The following NUP98 variants were observed in gnomAD, a reference collection of about 807,000 sequenced individuals.
NUP98 encodes the protein nucleoporin 98 and 96 precursor.
Under a neutral mutation model 191.9 loss-of-function variants are expected in NUP98, and 26 were observed. That is an observed-to-expected ratio of 0.14 (90% confidence interval 0.10 to 0.19). NUP98 has a LOEUF of 0.19. Ranked by LOEUF, NUP98 falls within the 10% of genes least tolerant of loss-of-function variation. The probability of loss-of-function intolerance (pLI) is 1.00; values close to 1 mark genes in which losing one functional copy is unlikely to be tolerated. For missense variants in NUP98, 1,941 were observed against 2,178.8 expected (o/e 0.89, Z 2.17); for synonymous variants, 808 against 778.4 (o/e 1.04, Z -0.63).
chr11:3,781,024 G>A (rs1485920942), intron 2 of NUP98, among the ~76,000 whole-genome samples: 8 of 151,876 alleles, frequency 5.3e-5, no homozygotes, highest in East Asian at 1.9e-4. Context: ...AAGTTACAGC[G>A]AGCTGAGAAA....
At chr11:3,726,124 C>T (rs1270615094) in intron 14 of NUP98, among the ~76,000 whole-genome samples, 1 of 152,136 alleles carries the variant, frequency 6.6e-6, no homozygotes, top group Non-Finnish European at 1.5e-5. Context: ...TAACAGTATA[C>T]TGGGCCATTA....
intron 1 of NUP98, 89 bp from the exon 2 acceptor site, chr11:3,782,234 C>A: frequency 3.0e-6 from 2 of 674,390 alleles, no homozygotes; most frequent in Non-Finnish European, 5.1e-6. Context: ...CAAACTTAGG[C>A]CTATTCGAAC....
chr11:3,763,146 T>A, intron 8 of NUP98, 107 bp from the exon 9 acceptor site: 1 of 995,314 alleles, frequency 1.0e-6, no homozygotes, highest in Non-Finnish European at 1.5e-6. Flanking sequence ...ATATGACAGA[T>A]ATTAGGCTAA....
chr11:3,744,759 T>G (rs998068812), intron 11 of NUP98, 110 bp from the exon 12 acceptor site: 3 of 1,236,440 alleles, frequency 2.4e-6, no homozygotes, highest in Non-Finnish European at 3.3e-6. Flanking sequence ...TAGTGACCAC[T>G]CATTTCAACA....
chr11:3,715,240 G>C (rs947531938), intron 18 of NUP98, among the ~76,000 whole-genome samples: 1 of 152,108 alleles, frequency 6.6e-6, no homozygotes, highest in African/African-American at 2.4e-5. Flanking sequence ...TCTGCCTACC[G>C]GGTTCAAGTG....
At chr11:3,764,860 G>A (rs2081286997) in intron 8 of NUP98, among the ~76,000 whole-genome samples, 1 of 152,242 alleles carries the variant, frequency 6.6e-6, no homozygotes, top group African/African-American at 2.4e-5. Flanking sequence ...TTAAAGGCGT[G>A]AGCCACCGCG....
intron 13 of NUP98, 109 bp downstream of exon 13, chr11:3,735,082 C>G: frequency 1.0e-6 from 1 of 970,858 alleles, no homozygotes; most frequent in East Asian, 2.9e-5. Context: ...AAATTAATTA[C>G]ACCTAGCTTT....
chr11:3,679,705 G>C lies in NUP98; in HGVS notation c.4922C>G (p.Ala1641Gly). 2 of 1,613,264 alleles carry C rather than the reference G, an allele frequency of 1.2e-6. No individual in the cohort carries two copies. The highest frequency in any genetic ancestry group is 1.7e-6 in the Non-Finnish European group (2 of 1,179,648). ...KLIIRHLASD[A>G]IINENYDYLK... ...GTAGTCATAGTTCTCATTAATGATG[G>C]CATCTGAAGAAACAAAGTATTGAGC... The change falls in exon 31 of 33, where the codon GCC (alanine) becomes GGC (glycine). Residue 1641 changes from alanine to glycine, a missense_variant. Ala to Gly is a moderately conservative substitution (Grantham distance 60, BLOSUM62 0). This residue lies in a region of NUP98 where 1,030 missense variants were observed against 1,115.8 expected (regional missense o/e 0.92). Transcript: ENST00000324932.
rs1395654571 is a variant in NUP98, at chr11:3,776,584, C to T, written c.356-563G>A. 1.2e-4 allele frequency among the ~76,000 whole-genome samples: 18 copies of T among 150,526 alleles called. 1 individual carries two copies. Among genetic ancestry groups the T allele is most frequent in the African/African-American group, 3.9e-4 (16 of 40,860 alleles). On this transcript the variant is annotated intron_variant, in intron 4 of 32. Coordinates refer to ENST00000324932, the MANE Select transcript of NUP98 (RefSeq NM_016320.5). ...CTGCAACCTCCACCTCCCAGGTTGA[C>T]GCCATTTCTCCTGCCTCAGCCTCCT...
chr11:3,734,399 A>T, intron 13 of NUP98, among the ~76,000 whole-genome samples: 1 of 152,248 alleles, frequency 6.6e-6, no homozygotes, highest in East Asian at 1.9e-4. Context: ...ATGTAATCAC[A>T]TAAGTGACTG....
At chr11:3,718,080 T>G (rs560933230) in intron 18 of NUP98, among the ~76,000 whole-genome samples, 138 of 152,214 alleles carry the variant, frequency 9.1e-4, no homozygotes, top group Non-Finnish European at 1.4e-3. Context: ...AACGCTTGCC[T>G]CATAGAATGA....
In NUP98 at chr11:3,720,895, T is replaced by C. The variant is rs2079368145; in HGVS notation, c.2147-70A>G. Reference sequence around the variant, plus strand: ...AATAATCAGCAACTAAATCATCATATAAAGAGAAAATATATCAGAATGAAG... The same window carrying C: ...AATAATCAGCAACTAAATCATCATACAAAGAGAAAATATATCAGAATGAAG... On this transcript the variant is annotated intron_variant, in intron 16 of 32. Coordinates refer to ENST00000324932, the MANE Select transcript of NUP98 (RefSeq NM_016320.5). The C allele has an allele frequency of 1.1e-5, 7 of 666,096 alleles. No homozygotes were observed. In the East Asian group the frequency reaches 2.0e-4, roughly 19 times the overall value. The allele number at this position is 666,096 out of a possible 1,614,324, so 41.3% of individuals were successfully genotyped here.
intron 14 of NUP98, among the ~76,000 whole-genome samples, chr11:3,726,479 A>C (rs1445533753): frequency 6.6e-6 from 1 of 151,298 alleles, no homozygotes; most frequent in Non-Finnish European, 1.5e-5. Context: ...ATAAAAGTCA[A>C]TGTTGGGAAT....
At chr11:3,709,998 CA>C (rs71466124) in intron 20 of NUP98, among the ~76,000 whole-genome samples, 1,980 of 94,414 alleles carry the variant, frequency 0.021, 27 homozygotes, top group African/African-American at 0.076. Context: ...AAAAAGTTTA[CA>C]AAAAAAAAAA....
rs1005433136 is a variant in NUP98 at position 3,675,287 on chromosome 11, GGTTT to G, written c.*868_*871del. ...CCAACTCCATGCCTGCCTCAGTCAT[GGTTT>G]GTTTTTGCTTCTGGAAGGGGTAGAT... On this transcript the variant is annotated 3_prime_UTR_variant, in exon 33 of 33. Transcript: ENST00000324932. 24 of 217,740 alleles carry G rather than the reference GGTTT, an allele frequency of 1.1e-4. No homozygotes were observed. Among genetic ancestry groups the G allele is most frequent in the African/African-American group, 4.7e-4 (21 of 44,376 alleles). The allele number at this position is 217,740 out of a possible 1,614,324, so 13.5% of individuals were successfully genotyped here. A position where few individuals can be genotyped will look rare whatever the true frequency, so the allele number is the denominator to read the frequency against.
At chr11:3,756,672 T>A (rs1040007344) in intron 10 of NUP98, among the ~76,000 whole-genome samples, 4 of 152,030 alleles carry the variant, frequency 2.6e-5, no homozygotes, top group African/African-American at 9.7e-5. Context: ...TCTGCCAGCC[T>A]CGGTCTCCCA....
At position 3,710,768 on chromosome 11, in the gene NUP98, AG is replaced by A. The variant is rs2079006456; in HGVS notation, c.2742+1795del. Among the ~76,000 whole-genome samples, 2 of 152,362 alleles carry A rather than the reference AG, an allele frequency of 1.3e-5. 1 individual carries two copies. Among genetic ancestry groups the A allele is most frequent in the South Asian group, 4.1e-4 (2 of 4,832 alleles). On this transcript the variant is annotated intron_variant, in intron 20 of 32. Transcript: ENST00000324932. ...TGGGTCAGTGAGCAATAAATATGAA[AG>A]AATTCTCTAGAGTCCTACATTTCTG...
intron 13 of NUP98, among the ~76,000 whole-genome samples, chr11:3,734,285 G>A (rs114060505): frequency 0.013 from 1,969 of 152,086 alleles, 40 homozygotes; most frequent in African/African-American, 0.045. Context: ...CACCCGCCTC[G>A]GACTCCCAGA....
intron 18 of NUP98, among the ~76,000 whole-genome samples, chr11:3,718,305 G>C (rs2079259927): frequency 6.6e-6 from 1 of 152,142 alleles, no homozygotes; most frequent in Non-Finnish European, 1.5e-5. Flanking sequence ...GGAGGGCGAA[G>C]TGGGCAGATC....
Sources: gnomAD v4.1 joint callset for allele counts (sites outside exome capture counted in the v4.1 genomes callset) on GRCh38, gnomAD v4.1.1 for gene constraint, gnomAD v4.1.1 regional missense constraint, MANE v1.5 for transcripts, NCBI Gene and HGNC (gene_info 2026-07-23, HGNC 2026-07-21) for gene names.